Variants in PTPRN2 observed in about 807,000 individuals in gnomAD.
PTPRN2 encodes receptor-type tyrosine-protein phosphatase N2.
In PTPRN2, 74 loss-of-function variants were observed where a neutral mutation model predicts 118.8. The ratio of observed to expected loss-of-function variants is 0.62; its 90% CI spans 0.52 to 0.76. The LOEUF is 0.76. PTPRN2 is among the 30% of genes least tolerant of loss of function. PTPRN2 has a pLI of 0.00. For missense variants in PTPRN2, 1,481 were observed against 1,394.4 expected, an observed-to-expected ratio of 1.06 and a Z score of -0.99; for synonymous variants, 641 against 608.0, an observed-to-expected ratio of 1.05 and a Z score of -0.80.
At chr7:157,621,676 T>C (rs757688328) in intron 14 of PTPRN2, among the ~76,000 whole-genome samples, 167 bp from the exon 15 acceptor site, 2 of 152,246 alleles carry the variant, frequency 1.3e-5, no homozygotes, top group Non-Finnish European at 2.9e-5. Context: ...ATGCATATCA[T>C]ACCATGCAAC....
chr7:157,643,914 T>C (rs115351080), intron 14 of PTPRN2, among the ~76,000 whole-genome samples: 17 of 152,338 alleles, frequency 1.1e-4, no homozygotes, highest in Admixed American at 2.6e-4. Context: ...GCCAGCCTCA[T>C]AGTGCTCGCC....
chr7:157,571,509 A>T lies in PTPRN2; in HGVS notation c.2784-16T>A. 6.3e-7 allele frequency: 1 copy of T among 1,592,966 alleles called. No homozygotes were observed. The highest frequency in any genetic ancestry group is 2.2e-5 in the East Asian group (1 of 44,752). On this transcript the variant is annotated splice_polypyrimidine_tract_variant and intron_variant, in intron 19 of 22. Transcript: ENST00000389418. ...GTTTACTTTTCTGAAATAAAAAGAG[A>T]TATAAAAATTATCGTTGTGTACTAA...
intron 11 of PTPRN2, among the ~76,000 whole-genome samples, chr7:158,055,397 A>G (rs1809707792): frequency 6.6e-6 from 1 of 152,140 alleles, no homozygotes. Context: ...AACACCCGCT[A>G]CTTAGCAGAC....
Position 158,151,948 on chromosome 7 carries a change from T to C in PTPRN2, c.911-13433A>G, listed in dbSNP as rs868855461. Reference sequence around the variant, plus strand: ...CAGCACTTTGGGAGGCCGAGGCGGGTGGATCACAAGGTCAGGAGATCAAGA... The same window carrying C: ...CAGCACTTTGGGAGGCCGAGGCGGGCGGATCACAAGGTCAGGAGATCAAGA... On this transcript the variant is annotated intron_variant, in intron 6 of 22. Coordinates refer to ENST00000389418, the MANE Select transcript of PTPRN2 (RefSeq NM_002847.5). 3.2e-4 allele frequency among the ~76,000 whole-genome samples: 48 copies of C among 151,476 alleles called. No individual in the cohort carries two copies. The South Asian group carries it at 8.8e-3, about 28-fold the overall frequency.
chr7:157,951,863 C>T (rs1800831574), intron 11 of PTPRN2, among the ~76,000 whole-genome samples: 1 of 152,208 alleles, frequency 6.6e-6, no homozygotes. Context: ...CCATGGTTGG[C>T]AGGGACTGGC....
intron 12 of PTPRN2, among the ~76,000 whole-genome samples, chr7:157,722,825 A>T (rs1799318135): frequency 6.6e-6 from 1 of 151,744 alleles, no homozygotes; most frequent in Admixed American, 6.6e-5. Context: ...GAGGCGGTGC[A>T]GGGTGGGGCT....
In PTPRN2 at chr7:157,945,596, G is replaced by A. The variant is rs138199095; in HGVS notation, c.1724-46859C>T. 1.1e-3 allele frequency among the ~76,000 whole-genome samples: 164 copies of A among 152,008 alleles called. 3 individuals carry two copies. In the East Asian group the frequency reaches 0.017, roughly 16 times the overall value. ...TGCCACCTCCAACTTGGACAATGTC[G>A]CCTCCACCTCAGACAATGGCGCCTC... On this transcript the variant is annotated intron_variant, in intron 11 of 22. Transcript: ENST00000389418.
intron 13 of PTPRN2, among the ~76,000 whole-genome samples, chr7:157,665,684 CAT>C (rs1192033644): frequency 6.6e-6 from 1 of 152,210 alleles, no homozygotes; most frequent in Non-Finnish European, 1.5e-5. Flanking sequence ...CACATGCACA[CAT>C]ATGTTTATTG....
chr7:158,216,150 G>C (rs2150778622), intron 3 of PTPRN2, among the ~76,000 whole-genome samples: 1 of 152,180 alleles, frequency 6.6e-6, no homozygotes, highest in South Asian at 2.1e-4. Context: ...GTAAAATTAT[G>C]ACACCAGTAA....
intron 11 of PTPRN2, among the ~76,000 whole-genome samples, chr7:157,918,047 C>T (rs1244988875): frequency 1.3e-5 from 2 of 152,178 alleles, no homozygotes; most frequent in African/African-American, 4.8e-5. Context: ...CTCAAACCTA[C>T]CCCTAAAAGA....
chr7:157,547,393 A>G (rs934990069), intron 22 of PTPRN2, among the ~76,000 whole-genome samples: 12 of 151,932 alleles, frequency 7.9e-5, no homozygotes, highest in African/African-American at 2.9e-4. Context: ...GGCAAGATGG[A>G]CCCTTCCAAG....
chr7:158,003,731 G>A lies in PTPRN2; in HGVS notation c.1723+77567C>T, dbSNP rs909494861. Among the ~76,000 whole-genome samples, 13 of 152,274 alleles carry A rather than the reference G, an allele frequency of 8.5e-5. No homozygotes were observed. The highest frequency in any genetic ancestry group is 2.6e-4 in the Admixed American group (4 of 15,306). Reference sequence around the variant, plus strand: ...TCCGGGCTCCAGCCCTGCGGTTGGCGGGATCCAGGTTTCTTGGTGGTGGCG... The same window carrying A: ...TCCGGGCTCCAGCCCTGCGGTTGGCAGGATCCAGGTTTCTTGGTGGTGGCG... On this transcript the variant is annotated intron_variant, in intron 11 of 22. Transcript: ENST00000389418. This position sits in a 1 kb window ranked among gnomAD's most constrained non-coding sequence, Gnocchi z 5.0.
rs1014462637 is a variant in PTPRN2, at chr7:157,884,499, G to A, written c.1788+14174C>T. Among the ~76,000 whole-genome samples, 17 of 152,288 alleles carry A rather than the reference G, an allele frequency of 1.1e-4. 1 individual carries two copies. The highest frequency in any genetic ancestry group is 6.2e-4 in the South Asian group (3 of 4,822). The stretch of plus-strand genomic sequence containing the variant: ...ATGACAGGCCTTGCCCTTGCTGACC[G>A]GCTTCTCTGGTCCCCTCCTGTGTTA... On this transcript the variant is annotated intron_variant, in intron 12 of 22. Coordinates refer to ENST00000389418, the MANE Select transcript of PTPRN2 (RefSeq NM_002847.5).
At chr7:157,762,386 C>T (rs1252467689) in intron 12 of PTPRN2, among the ~76,000 whole-genome samples, 2 of 152,000 alleles carry the variant, frequency 1.3e-5, no homozygotes, top group Non-Finnish European at 2.9e-5. Flanking sequence ...AAATGTGGCA[C>T]ATATACACCA....
chr7:158,566,525 C>T (rs541616149), intron 1 of PTPRN2, among the ~76,000 whole-genome samples: 1 of 152,326 alleles, frequency 6.6e-6, no homozygotes, highest in African/African-American at 2.4e-5. Flanking sequence ...AAAAGGTACT[C>T]TGCAGGTGAC....
At chr7:157,968,664 T>C (rs1362638392) in intron 11 of PTPRN2, among the ~76,000 whole-genome samples, 1 of 152,214 alleles carries the variant, frequency 6.6e-6, no homozygotes, top group African/African-American at 2.4e-5. Context: ...GGGTCATCCT[T>C]GCAGATGAAG....
At chr7:157,549,633 A>T (rs1798496743) in intron 21 of PTPRN2, among the ~76,000 whole-genome samples, 1 of 152,248 alleles carries the variant, frequency 6.6e-6, no homozygotes, top group East Asian at 1.9e-4. Context: ...GCTGCACTCA[A>T]ATCATGCTAC....
chr7:158,363,766 T>A (rs1482558274), intron 2 of PTPRN2, among the ~76,000 whole-genome samples: 1 of 152,164 alleles, frequency 6.6e-6, no homozygotes, highest in Non-Finnish European at 1.5e-5. Context: ...GGGAAGCGGC[T>A]GGCCTGCAGC....
At chr7:158,542,142 G>A (rs559044830) in intron 1 of PTPRN2, among the ~76,000 whole-genome samples, 3 of 152,078 alleles carry the variant, frequency 2.0e-5, no homozygotes, top group Non-Finnish European at 4.4e-5. Context: ...TTCTTTTTTT[G>A]TTGTTGTTGT....
Sources: allele counts gnomAD v4.1 joint callset (sites outside exome capture counted in the v4.1 genomes callset), GRCh38; gene constraint gnomAD v4.1.1; non-coding constraint Gnocchi (gnomAD v3.1); transcripts MANE v1.5; gene names NCBI Gene and HGNC (gene_info 2026-07-23, HGNC 2026-07-21).